The following MTNR1A variants were observed in gnomAD, a reference collection of about 807,000 sequenced individuals.
The protein encoded by MTNR1A is melatonin receptor 1A.
MTNR1A carries 7 observed loss-of-function variants against 5.5 expected under a neutral mutation model. The ratio of observed to expected loss-of-function variants is 1.28; its 90% CI spans 0.73 to 2.40. The LOEUF is 2.40. MTNR1A is among the 30% of genes most tolerant of loss of function. The pLI, the probability that MTNR1A is intolerant of heterozygous loss-of-function variation, is 0.00. For missense variants in MTNR1A, 441 were observed against 464.4 expected, an observed-to-expected ratio of 0.95 and a Z score of 0.46; for synonymous variants, 196 against 202.7, an observed-to-expected ratio of 0.97 and a Z score of 0.28.
Position 186,533,790 on chromosome 4 carries a change from C to T in MTNR1A, c.952G>A (p.Val318Met), listed in dbSNP as rs758145760. 6.2e-7 allele frequency: 1 copy of T among 1,614,202 alleles called. No individual in the cohort carries two copies. The highest frequency in any genetic ancestry group is 8.5e-7 in the Non-Finnish European group (1 of 1,180,042). The change falls in exon 2 of 2, where the codon GTG (valine) becomes ATG (methionine). Residue 318 changes from valine to methionine, a missense_variant. Val to Met is a conservative substitution (Grantham distance 21, BLOSUM62 1). Transcript: ENST00000307161. ...TCGTTAGAGCTGTCCACAAAGAACA[C>T]CCTGGCTGTACAGAGCGAGACTATA... ...RIIVSLCTAR[V>M]FFVDSSNDVA... is the part of the protein sequence containing the mutation.
At chr4:186,545,606 T>C (rs768137897) in intron 1 of MTNR1A, among the ~76,000 whole-genome samples, 23 of 152,270 alleles carry the variant, frequency 1.5e-4, no homozygotes, top group Non-Finnish European at 2.6e-4. Flanking sequence ...TGTTGGTTTT[T>C]CCCAGCAGGT....
intron 1 of MTNR1A, among the ~76,000 whole-genome samples, chr4:186,538,747 T>C (rs1736936172): frequency 6.6e-6 from 1 of 152,238 alleles, no homozygotes; most frequent in East Asian, 1.9e-4. Flanking sequence ...CCCAGACTGA[T>C]ACAGAATTTG....
intron 1 of MTNR1A, among the ~76,000 whole-genome samples, chr4:186,541,899 G>T (rs57274505): frequency 0.031 from 4,778 of 152,254 alleles, 250 homozygotes; most frequent in African/African-American, 0.11. Context: ...TTAGAAAACC[G>T]GTTATGGGGC....
At position 186,555,100 on chromosome 4, in the gene MTNR1A, C is replaced by G; in HGVS notation, c.184+82G>C. 7.1e-7 allele frequency: 1 copy of G among 1,411,656 alleles called. No individual in the cohort carries two copies. Among genetic ancestry groups the G allele is most frequent in the South Asian group, 1.2e-5 (1 of 80,662 alleles). The allele number at this position is 1,411,656 out of a possible 1,614,324, so 87.4% of individuals were successfully genotyped here. A position where few individuals can be genotyped will look rare whatever the true frequency, so the allele number is the denominator to read the frequency against. On this transcript the variant is annotated intron_variant, in intron 1 of 1. Coordinates refer to ENST00000307161, the MANE Select transcript of MTNR1A (RefSeq NM_005958.4). The surrounding 1 kb of genome is among the most constrained non-coding windows in gnomAD (Gnocchi z 4.1). ...GTCCGCAGTGTTTAGGAAAAAGAAC[C>G]AAGTGCTTGGGGAAGGCTGGCTGCC...
chr4:186,555,098 A>C lies in MTNR1A; in HGVS notation c.184+84T>G. 1 of 1,402,732 alleles carries C rather than the reference A, an allele frequency of 7.1e-7. No individual in the cohort carries two copies. The highest frequency in any genetic ancestry group is 9.9e-7 in the Non-Finnish European group (1 of 1,014,264). 86.9% of individuals were successfully genotyped at this position (1,402,732 alleles called of 1,614,324 possible). A position where few individuals can be genotyped will look rare whatever the true frequency, so the allele number is the denominator to read the frequency against. ...AAGTCCGCAGTGTTTAGGAAAAAGAACCAAGTGCTTGGGGAAGGCTGGCTG... is the reference window on the plus strand; with the variant it reads ...AAGTCCGCAGTGTTTAGGAAAAAGACCCAAGTGCTTGGGGAAGGCTGGCTG... On this transcript the variant is annotated intron_variant, in intron 1 of 1. Transcript: ENST00000307161. The surrounding 1 kb of genome is among the most constrained non-coding windows in gnomAD (Gnocchi z 4.1).
chr4:186,540,896 G>GACTGAAGGACCAGGTGCTGTCTT (rs1560895041), intron 1 of MTNR1A, among the ~76,000 whole-genome samples: 6 of 148,834 alleles, frequency 4.0e-5, no homozygotes, highest in Non-Finnish European at 3.0e-5. Context: ...GGTGCTGTCT[G>GACTGAAGGACCAGGTGCTGTCTT]TCTGAAGGAC....
intron 1 of MTNR1A, among the ~76,000 whole-genome samples, chr4:186,545,743 C>T (rs182977462): frequency 4.6e-5 from 7 of 152,152 alleles, no homozygotes; most frequent in South Asian, 2.1e-4. Flanking sequence ...TTAAGCATCA[C>T]GAAGACCAGT....
intron 1 of MTNR1A, among the ~76,000 whole-genome samples, chr4:186,546,555 G>T (rs142573607): frequency 6.6e-6 from 1 of 151,900 alleles, no homozygotes; most frequent in African/African-American, 2.4e-5. Flanking sequence ...CCCCATTAAC[G>T]GGATATGCTG....
At chr4:186,536,151 G>A (rs4861720) in intron 1 of MTNR1A, among the ~76,000 whole-genome samples, 29,050 of 151,836 alleles carry the variant, frequency 0.19, 3,433 homozygotes, top group East Asian at 0.57. Context: ...TTCAGGACCA[G>A]CCTGGCCAAC....
At chr4:186,537,273 G>A (rs1042362087) in intron 1 of MTNR1A, among the ~76,000 whole-genome samples, 1 of 152,074 alleles carries the variant, frequency 6.6e-6, no homozygotes, top group Non-Finnish European at 1.5e-5. Flanking sequence ...TGTGGTGTCT[G>A]GGCGGAGAAG....
Position 186,550,876 on chromosome 4 carries a change from T to C in MTNR1A, c.184+4306A>G, listed in dbSNP as rs1737253888. 2.6e-5 allele frequency among the ~76,000 whole-genome samples: 4 copies of C among 152,194 alleles called. No homozygotes were observed. The South Asian group carries it at 8.3e-4, about 31-fold the overall frequency. On this transcript the variant is annotated intron_variant, in intron 1 of 1. Coordinates refer to ENST00000307161, the MANE Select transcript of MTNR1A (RefSeq NM_005958.4). ...TCTGGGAATTACTTTGACATATTTG[T>C]AAAAACTTAGGGTTCATAACAATGT...
At chr4:186,554,564 A>G (rs191224717) in intron 1 of MTNR1A, among the ~76,000 whole-genome samples, 1 of 152,282 alleles carries the variant, frequency 6.6e-6, no homozygotes, top group Non-Finnish European at 1.5e-5. Flanking sequence ...GTAGTTGCAT[A>G]TTATACGTAA....
At chr4:186,545,653 TA>T (rs1737123720) in intron 1 of MTNR1A, among the ~76,000 whole-genome samples, 1 of 152,138 alleles carries the variant, frequency 6.6e-6, no homozygotes, top group Admixed American at 6.5e-5. Flanking sequence ...GCCTGGACTT[TA>T]ACCACGTGGA....
At chr4:186,539,565 G>A (rs1736959990) in intron 1 of MTNR1A, among the ~76,000 whole-genome samples, 1 of 152,178 alleles carries the variant, frequency 6.6e-6, no homozygotes, top group African/African-American at 2.4e-5. Flanking sequence ...AGCCCTTACA[G>A]ATAAGATTAG....
chr4:186,533,747 T>C lies in MTNR1A; in HGVS notation c.995A>G (p.Lys332Arg), dbSNP rs1318047499. 6.2e-7 allele frequency: 1 copy of C among 1,614,124 alleles called. No individual in the cohort carries two copies. The highest frequency in any genetic ancestry group is 1.3e-5 in the African/African-American group (1 of 74,934). The change falls in exon 2 of 2, where the codon AAA (lysine) becomes AGA (arginine). Residue 332 changes from lysine to arginine, a missense_variant. Coordinates refer to ENST00000307161, the MANE Select transcript of MTNR1A (RefSeq NM_005958.4). ...GGTCATCAGTGGAGACGGTTTCCATTTAACCCTATCGGCCACGTCGTTAGA... is the reference window on the plus strand; with the variant it reads ...GGTCATCAGTGGAGACGGTTTCCATCTAACCCTATCGGCCACGTCGTTAGA... ...DSSNDVADRV[K>R]WKPSPLMTNN...
In MTNR1A at chr4:186,534,546, C is replaced by T; in HGVS notation, c.196G>A (p.Val66Met). The change falls in exon 2 of 2, where the codon GTG becomes ATG. Residue 66 changes from valine (V) to methionine (M), a missense_variant. Physicochemically the swap from Val to Met is conservative, Grantham distance 21. Coordinates refer to ENST00000307161, the MANE Select transcript of MTNR1A (RefSeq NM_005958.4). ...KKLRNAGNIF[V>M]VSLAVADLVV... is the part of the protein sequence containing the mutation. The stretch of plus-strand genomic sequence containing the variant: ...AGGTCTGCCACCGCTAAGCTCACCA[C>T]AAAGATGTTTCCTGAAAGAGAATCG... The T allele has an allele frequency of 2.5e-6, 4 of 1,612,134 alleles. No homozygotes were observed. Among genetic ancestry groups the T allele is most frequent in the Non-Finnish European group, 3.4e-6 (4 of 1,180,008 alleles).
intron 1 of MTNR1A, among the ~76,000 whole-genome samples, chr4:186,539,686 A>C (rs1736962820): frequency 6.6e-6 from 1 of 152,242 alleles, no homozygotes; most frequent in African/African-American, 2.4e-5. Flanking sequence ...GGAAGCAGAC[A>C]GCAGCCCTCA....
rs1736781315 is a variant in MTNR1A at position 186,534,208 on chromosome 4, G to A, written c.534C>T (p.Thr178=). 2.5e-6 allele frequency: 4 copies of A among 1,613,924 alleles called. No homozygotes were observed. The East Asian group carries it at 6.7e-5, about 27-fold the overall frequency. ...LQYDPRIYSC[T]FAQSVSSAYT... is the part of the protein sequence containing the mutation. ...AGGCGGAGCTGACGGACTGGGCGAA[G>A]GTGCACGAGTAGATCCTCGGGTCGT... The change falls in exon 2 of 2, where the codon ACC becomes ACT. Residue 178 remains threonine (T), a synonymous_variant. Coordinates refer to ENST00000307161, the MANE Select transcript of MTNR1A (RefSeq NM_005958.4).
intron 1 of MTNR1A, among the ~76,000 whole-genome samples, chr4:186,544,851 T>G (rs1047502680): frequency 1.3e-4 from 20 of 152,160 alleles, no homozygotes; most frequent in Admixed American, 1.2e-3. Context: ...TGTCTGTGAG[T>G]TCTGGGAGCC....
Sources: allele counts gnomAD v4.1 joint callset (sites outside exome capture counted in the v4.1 genomes callset), GRCh38; gene constraint gnomAD v4.1.1; non-coding constraint Gnocchi (gnomAD v3.1); transcripts MANE v1.5; gene names NCBI Gene and HGNC (gene_info 2026-07-23, HGNC 2026-07-21).